Variants in ISM1 observed in about 807,000 individuals in gnomAD.
ISM1 encodes isthmin 1.
A neutral mutation model predicts 46.3 loss-of-function variants in ISM1; 25 were observed. The ratio of observed to expected loss-of-function variants is 0.54; its 90% CI spans 0.39 to 0.75. ISM1 has a LOEUF of 0.75. ISM1 is among the 30% of genes least tolerant of loss of function. The pLI is 0.00. For synonymous variants in ISM1, 255 were observed against 256.7 expected (o/e 0.99, Z 0.06); for missense variants, 536 against 625.4 (o/e 0.86, Z 1.52).
At chr20:13,307,400 A>G in the ISM1 span, among the ~76,000 whole-genome samples, 5 of 152,226 alleles carry the variant, frequency 3.3e-5, no homozygotes, top group Non-Finnish European at 7.3e-5. Context: ...ACCAACACCA[A>G]GAAAAAACAG....
intron 3 of ISM1, among the ~76,000 whole-genome samples, chr20:13,283,319 C>G (rs2040257382): frequency 6.6e-6 from 1 of 152,158 alleles, no homozygotes; most frequent in Admixed American, 6.5e-5. Flanking sequence ...CATGCAATAG[C>G]AAAGCAGTGC....
intron 4 of ISM1, among the ~76,000 whole-genome samples, chr20:13,291,557 T>G (rs937535241): frequency 6.6e-6 from 1 of 152,156 alleles, no homozygotes; most frequent in Non-Finnish European, 1.5e-5. Context: ...CACTCCCTCC[T>G]CCTCTTATTG....
Position 13,274,179 on chromosome 20 carries a change from G to A in ISM1, c.378+3436G>A, listed in dbSNP as rs183172403. Among the ~76,000 whole-genome samples, 310 of 152,222 alleles carry A rather than the reference G, an allele frequency of 2.0e-3. 2 individuals are homozygous for A. Among genetic ancestry groups the A allele is most frequent in the Non-Finnish European group, 2.4e-3 (163 of 68,008 alleles). On this transcript the variant is annotated intron_variant, in intron 2 of 5. Transcript: ENST00000262487. ...CACTTGTGTAAACCAGTTCCCTGGTGGTCCTTTAAAACATGAGGTGCTTTC... is the reference window on the plus strand; with the variant it reads ...CACTTGTGTAAACCAGTTCCCTGGTAGTCCTTTAAAACATGAGGTGCTTTC...
intron 3 of ISM1, among the ~76,000 whole-genome samples, chr20:13,281,925 T>A (rs2040242590): frequency 6.6e-6 from 1 of 152,166 alleles, no homozygotes; most frequent in African/African-American, 2.4e-5. Context: ...CTTCCTTATG[T>A]ACCAGTAGTC....
intron 2 of ISM1, among the ~76,000 whole-genome samples, chr20:13,276,062 A>G (rs1414533004): frequency 6.6e-6 from 1 of 152,216 alleles, no homozygotes. Context: ...TTCCTAGTCC[A>G]TTTTGTGTTC....
At chr20:13,302,117 T>TAGGA (rs2040463115), downstream of ISM1, among the ~76,000 whole-genome samples, 1 of 152,130 alleles carries the variant, frequency 6.6e-6, no homozygotes, top group South Asian at 2.1e-4. Context: ...TCTAAGGTAT[T>TAGGA]TTTGTTAAGG....
intron 2 of ISM1, among the ~76,000 whole-genome samples, chr20:13,271,532 G>A (rs17226509): frequency 0.073 from 11,149 of 152,196 alleles, 454 homozygotes; most frequent in Admixed American, 0.093. Context: ...AATACTATTG[G>A]TAATGCACCA....
chr20:13,312,957 A>G, the ISM1 span, among the ~76,000 whole-genome samples: 3 of 152,108 alleles, frequency 2.0e-5, no homozygotes, highest in African/African-American at 7.2e-5. Context: ...ACCTACACCA[A>G]AGGAGCATCT....
chr20:13,316,132 C>T, the ISM1 span, among the ~76,000 whole-genome samples: 52,754 of 151,666 alleles, frequency 0.35, 9,521 homozygotes, highest in African/African-American at 0.38. Context: ...ATATCATGGA[C>T]ATTAAAAGGA....
chr20:13,322,501 G>A, the ISM1 span, among the ~76,000 whole-genome samples: 7 of 152,142 alleles, frequency 4.6e-5, no homozygotes, highest in South Asian at 2.1e-4. Flanking sequence ...TGGACCAGAC[G>A]AGGTCCATAT....
At chr20:13,251,535 G>A (rs1423823788) in intron 1 of ISM1, among the ~76,000 whole-genome samples, 2 of 152,230 alleles carry the variant, frequency 1.3e-5, no homozygotes, top group Admixed American at 1.3e-4. Flanking sequence ...CAGGGCCTGA[G>A]ATCATGATCT....
chr20:13,247,517 G>GGGGTGT lies in ISM1; in HGVS notation c.139-22986_139-22985insGGTGTG, dbSNP rs1183213178. 5.9e-3 allele frequency among the ~76,000 whole-genome samples: 826 copies of GGGGTGT among 139,890 alleles called. 5 individuals are homozygous for GGGGTGT. The highest frequency in any genetic ancestry group is 0.016 in the African/African-American group (610 of 37,214). The allele number at this position is 139,890 out of a possible 152,430, so 91.8% of individuals were successfully genotyped here. On this transcript the variant is annotated intron_variant, in intron 1 of 5. Transcript: ENST00000262487. ...CAGCATTTCTGGCAGCAAAGTGAGG[G>GGGGTGT]GTGTGTGTGTGTGTGTGTGTGTGTG...
intron 1 of ISM1, among the ~76,000 whole-genome samples, chr20:13,228,115 G>A (rs2039549308): frequency 1.3e-5 from 2 of 151,804 alleles, no homozygotes; most frequent in African/African-American, 4.8e-5. Flanking sequence ...TGGGATTACA[G>A]GTACCCACCA....
At chr20:13,306,564 C>CAAAAAAAAAAAAAAAAAAAAAAAAAAAA in the ISM1 span, among the ~76,000 whole-genome samples, 7 of 63,910 alleles carry the variant, frequency 1.1e-4, no homozygotes, top group Admixed American at 6.7e-4. Flanking sequence ...GGAGAAAGGA[C>CAAAAAAAAAAAAAAAAAAAAAAAAAAAA]AAAAAAAAAA....
intron 2 of ISM1, 45 bp from the exon 3 acceptor site, chr20:13,279,589 G>A: frequency 6.4e-7 from 1 of 1,573,216 alleles, no homozygotes; most frequent in Admixed American, 1.8e-5. Context: ...GTAGCTTGGA[G>A]GCTGTTGACT....
At chr20:13,221,999 A>T in intron 1 of ISM1, 85 bp downstream of exon 1, 1 of 1,194,112 alleles carries the variant, frequency 8.4e-7, no homozygotes, top group East Asian at 3.3e-5. Context: ...GGGTGGATGC[A>T]GGGAGGCAGG....
the ISM1 span, among the ~76,000 whole-genome samples, chr20:13,323,160 C>CT: frequency 6.6e-6 from 1 of 152,158 alleles, no homozygotes; most frequent in African/African-American, 2.4e-5. Flanking sequence ...AACAGAGCTA[C>CT]AGTCCCCAAA....
chr20:13,267,514 G>T (rs2040056525), intron 1 of ISM1, among the ~76,000 whole-genome samples: 1 of 152,104 alleles, frequency 6.6e-6, no homozygotes, highest in Admixed American at 6.6e-5. Context: ...CTGCGGGGAG[G>T]GTACAGGGCT....
intron 2 of ISM1, among the ~76,000 whole-genome samples, chr20:13,279,189 C>A (rs729646): frequency 0.21 from 32,618 of 152,010 alleles, 3,608 homozygotes; most frequent in African/African-American, 0.27. Context: ...AGTTTGTGTT[C>A]ATAAATGTTA....
Sources: allele counts gnomAD v4.1 joint callset (sites outside exome capture counted in the v4.1 genomes callset), GRCh38; gene constraint gnomAD v4.1.1; transcripts MANE v1.5; gene names NCBI Gene and HGNC (gene_info 2026-07-23, HGNC 2026-07-21).